POU2AF1: variants seen among roughly 807,000 people sequenced by gnomAD.
POU2AF1 encodes POU domain class 2-associating factor 1.
POU2AF1 carries 12 observed loss-of-function variants against 26.3 expected under a neutral mutation model. The ratio of observed to expected loss-of-function variants is 0.46; its 90% CI spans 0.29 to 0.74. The LOEUF is 0.74. POU2AF1 is among the 30% of genes least tolerant of loss of function. The pLI is 0.09. For missense variants in POU2AF1, 297 were observed against 334.5 expected (o/e 0.89, Z 0.87); for synonymous variants, 175 against 148.0 (o/e 1.18, Z -1.32).
rs1461825991 is a variant in POU2AF1, at chr11:111,358,866, A to G, written c.69T>C (p.Arg23=). ...PAPARPYQGV[R]VKEPVKELLR... ...GCAGTTCCTTCACTGGCTCCTTCAC[A>G]CGGACGCCCTGGTATGGCCGGGCCG... Residue 23 remains arginine, a synonymous_variant, in exon 2 of 5, where the codon CGT becomes CGC. Transcript: ENST00000393067. 5.6e-6 allele frequency: 9 copies of G among 1,608,902 alleles called. No homozygotes were observed. Among genetic ancestry groups the G allele is most frequent in the African/African-American group, 2.7e-5 (2 of 74,906 alleles).
intron 1 of POU2AF1, chr11:111,363,577 G>T: frequency 3.1e-6 from 2 of 652,050 alleles, no homozygotes; most frequent in Non-Finnish European, 3.9e-6. Flanking sequence ...TCACCTTGGG[G>T]ATCCCGGATC....
At chr11:111,360,472 T>C (rs1860984962) in intron 1 of POU2AF1, among the ~76,000 whole-genome samples, 1 of 152,124 alleles carries the variant, frequency 6.6e-6, no homozygotes, top group Non-Finnish European at 1.5e-5. Context: ...AGAGAGAAGC[T>C]TGGGCAGAGG....
chr11:111,375,570 T>C (rs994822683), intron 1 of POU2AF1, among the ~76,000 whole-genome samples: 1 of 151,870 alleles, frequency 6.6e-6, no homozygotes, highest in Non-Finnish European at 1.5e-5. Flanking sequence ...AGCTAATTTT[T>C]TTGTATTTTT....
intron 1 of POU2AF1, among the ~76,000 whole-genome samples, chr11:111,373,758 C>CT (rs5794744): frequency 1 from 152,301 of 152,302 alleles, 76,150 homozygotes; most frequent in Non-Finnish European, 1. Context: ...CCTACAAGTG[C>CT]TTGTCCCCAG....
chr11:111,358,520 TCACA>T lies in POU2AF1; in HGVS notation c.147+264_147+267del, dbSNP rs1233643551. 1.6e-3 allele frequency among the ~76,000 whole-genome samples: 130 copies of T among 83,802 alleles called. 1 individual carries two copies. The highest frequency in any genetic ancestry group is 4.0e-3 in the African/African-American group (111 of 27,644). 55.0% of individuals were successfully genotyped at this position (83,802 alleles called of 152,430 possible). On this transcript the variant is annotated intron_variant, in intron 2 of 4. Coordinates refer to ENST00000393067, the MANE Select transcript of POU2AF1 (RefSeq NM_006235.3). ...CATTCTCTCTCACACTATCACACAC[TCACA>T]CACGCCATCACACACAAACACATAC... is the stretch of plus-strand genomic sequence containing the variant.
At position 111,379,162 on chromosome 11, in the gene POU2AF1, G is replaced by C; in HGVS notation, c.16C>G (p.Pro6Ala). The C allele has an allele frequency of 6.2e-7, 1 of 1,614,068 alleles. No homozygotes were observed. The highest frequency in any genetic ancestry group is 8.5e-7 in the Non-Finnish European group (1 of 1,179,984). The part of the protein sequence containing the change: MLWQK[P>A]TAPEQAPAPA... ...TGACAGCCACAGCCAAACCACTTACGTTTTTGCCAGAGCATGGCCTGTGAC... is the reference window on the plus strand; with the variant it reads ...TGACAGCCACAGCCAAACCACTTACCTTTTTGCCAGAGCATGGCCTGTGAC... Residue 6 changes from proline to alanine, a missense_variant and splice_region_variant, in exon 1 of 5, where the codon CCC (proline) becomes GCC (alanine). Coordinates refer to ENST00000393067, the MANE Select transcript of POU2AF1 (RefSeq NM_006235.3).
At chr11:111,355,559 G>T (rs1186756868) in intron 4 of POU2AF1, among the ~76,000 whole-genome samples, 1 of 152,114 alleles carries the variant, frequency 6.6e-6, no homozygotes, top group Non-Finnish European at 1.5e-5. Flanking sequence ...CAAACTGTTA[G>T]AATCATTTAG....
At chr11:111,361,661 C>A (rs747563851) in intron 1 of POU2AF1, among the ~76,000 whole-genome samples, 61 of 152,204 alleles carry the variant, frequency 4.0e-4, no homozygotes, top group Non-Finnish European at 6.2e-4. Context: ...CCTACTGAGG[C>A]TAACTTATGG....
rs1591187049 is a variant in POU2AF1 at position 111,354,073 on chromosome 11, A to G, written c.*188T>C. ...GAGGGGAAGAATGGAAGGATGGGGG[A>G]GAGGGAGGAAGTGAGGGAGGGAGGG... On this transcript the variant is annotated 3_prime_UTR_variant, in exon 5 of 5. Transcript: ENST00000393067. 2.3e-6 allele frequency: 1 copy of G among 435,152 alleles called. No homozygotes were observed. The highest frequency in any genetic ancestry group is 3.8e-6 in the Non-Finnish European group (1 of 263,926). 27.0% of individuals were successfully genotyped at this position (435,152 alleles called of 1,614,324 possible). A position where few individuals can be genotyped will look rare whatever the true frequency, so the allele number is the denominator to read the frequency against.
intron 1 of POU2AF1, among the ~76,000 whole-genome samples, chr11:111,366,090 G>A (rs1159646708): frequency 1.3e-5 from 2 of 152,308 alleles, no homozygotes; most frequent in Non-Finnish European, 1.5e-5. Context: ...CAGGAAGAAA[G>A]AAGTTGGGTT....
In POU2AF1 at chr11:111,363,952, T is replaced by A. The variant is rs1002384504; in HGVS notation, c.17-5034A>T. 1.1e-5 allele frequency: 11 copies of A among 985,306 alleles called. No individual in the cohort carries two copies. In the Admixed American group the frequency reaches 6.8e-4, roughly 61 times the overall value. The allele number at this position is 985,306 out of a possible 1,614,324, so 61.0% of individuals were successfully genotyped here. ...CGGCCCTGATTGGAGATCTCCTTTTTCGGGCTGAGAAGTTCACCATATTGC... is the reference window on the plus strand; with the variant it reads ...CGGCCCTGATTGGAGATCTCCTTTTACGGGCTGAGAAGTTCACCATATTGC... On this transcript the variant is annotated intron_variant, in intron 1 of 4. Coordinates refer to ENST00000393067, the MANE Select transcript of POU2AF1 (RefSeq NM_006235.3).
intron 1 of POU2AF1, among the ~76,000 whole-genome samples, chr11:111,367,892 A>G (rs1373021393): frequency 2.0e-5 from 3 of 152,212 alleles, no homozygotes; most frequent in Admixed American, 6.5e-5. Flanking sequence ...CACCTGAGAA[A>G]GCAGCTGCAT....
At chr11:111,356,354 C>G (rs1450523152) in intron 4 of POU2AF1, among the ~76,000 whole-genome samples, 3 of 152,162 alleles carry the variant, frequency 2.0e-5, no homozygotes, top group Non-Finnish European at 4.4e-5. Flanking sequence ...GCAGGTGGAC[C>G]TGGGAGGGAA....
chr11:111,365,633 CTG>C (rs1861090287), intron 1 of POU2AF1, among the ~76,000 whole-genome samples: 1 of 152,200 alleles, frequency 6.6e-6, no homozygotes, highest in Admixed American at 6.5e-5. Flanking sequence ...TGGCTTCTAA[CTG>C]AAAATGAAGT....
intron 1 of POU2AF1, among the ~76,000 whole-genome samples, chr11:111,369,863 T>C (rs1049987637): frequency 6.6e-6 from 1 of 152,194 alleles, no homozygotes; most frequent in Non-Finnish European, 1.5e-5. Context: ...CCATCTGAGC[T>C]AGGATGGGAA....
At position 111,379,163 on chromosome 11, in the gene POU2AF1, T is replaced by C. The variant is rs1205166369; in HGVS notation, c.15A>G (p.Lys5=). MLWQ[K]PTAPEQAPAP... ...GACAGCCACAGCCAAACCACTTACG[T>C]TTTTGCCAGAGCATGGCCTGTGACA... The change falls in exon 1 of 5, where the codon AAA becomes AAG. Residue 5 remains lysine (K), a splice_region_variant and synonymous_variant. Coordinates refer to ENST00000393067, the MANE Select transcript of POU2AF1 (RefSeq NM_006235.3). 6.2e-7 allele frequency: 1 copy of C among 1,613,926 alleles called. No individual in the cohort carries two copies. Among genetic ancestry groups the C allele is most frequent in the Admixed American group, 1.7e-5 (1 of 60,022 alleles).
At chr11:111,358,340 A>T (rs960828488) in intron 2 of POU2AF1, among the ~76,000 whole-genome samples, 19 of 66,784 alleles carry the variant, frequency 2.8e-4, no homozygotes, top group African/African-American at 7.7e-4. Context: ...ACACACTCTC[A>T]CACTCTCACA....
chr11:111,364,263 T>G (rs1861063820), intron 1 of POU2AF1: 1 of 152,454 alleles, frequency 6.6e-6, no homozygotes, highest in African/African-American at 2.4e-5. Context: ...GCACCCTGGC[T>G]GCATGTGGAC....
chr11:111,371,212 A>G (rs1861203712), intron 1 of POU2AF1, among the ~76,000 whole-genome samples: 1 of 152,152 alleles, frequency 6.6e-6, no homozygotes, highest in South Asian at 2.1e-4. Context: ...GACTGGTCAA[A>G]TCCTTTTTTG....
Sources: gnomAD v4.1 joint callset for allele counts (sites outside exome capture counted in the v4.1 genomes callset) on GRCh38, gnomAD v4.1.1 for gene constraint, MANE v1.5 for transcripts, NCBI Gene and HGNC (gene_info 2026-07-23, HGNC 2026-07-21) for gene names.